Variants in LTBP2 observed in about 807,000 individuals in gnomAD.
LTBP2 encodes latent-transforming growth factor beta-binding protein 2.
LTBP2 carries 103 observed loss-of-function variants against 210.6 expected under a neutral mutation model. The observed-to-expected ratio is 0.49, with a 90% CI of 0.42 to 0.58. The LOEUF (loss-of-function observed/expected upper bound fraction) is 0.58. LTBP2 is among the 20% of genes least tolerant of loss of function. The probability of loss-of-function intolerance (pLI) is 0.00; values close to 1 mark genes in which losing one functional copy is unlikely to be tolerated. For missense variants in LTBP2, 2,313 were observed against 2,494.5 expected, an observed-to-expected ratio of 0.93 and a Z score of 1.55; for synonymous variants, 1,007 against 1,015.0, an observed-to-expected ratio of 0.99 and a Z score of 0.15.
Position 74,508,849 on chromosome 14 carries a change from G to A in LTBP2, c.3507C>T (p.Ala1169=). 6.2e-7 allele frequency: 1 copy of A among 1,613,672 alleles called. No homozygotes were observed. Among genetic ancestry groups the A allele is most frequent in the South Asian group, 1.1e-5 (1 of 91,080 alleles). Residue 1169 remains alanine, a synonymous_variant, in exon 23 of 36, where the codon GCC becomes GCT. Coordinates refer to ENST00000261978, the MANE Select transcript of LTBP2 (RefSeq NM_000428.3). ...QCLCPQGFQL[A]NGTVCEDVNE... is the part of the protein sequence containing the mutation. ...ACTCACCCTCACACACGGTGCCATTGGCCAGCTGGAAGCCCTGGGGACAGA... is the reference window on the plus strand; with the variant it reads ...ACTCACCCTCACACACGGTGCCATTAGCCAGCTGGAAGCCCTGGGGACAGA...
intron 27 of LTBP2, 69 bp downstream of exon 27, chr14:74,506,629 G>A: frequency 6.2e-7 from 1 of 1,601,620 alleles, no homozygotes; most frequent in Non-Finnish European, 8.5e-7. Flanking sequence ...ACCAGGACCA[G>A]TTGAGGAGGA....
chr14:74,585,745 G>A (rs2139787744), intron 3 of LTBP2, 109 bp downstream of exon 3: 3 of 1,534,918 alleles, frequency 2.0e-6, no homozygotes, highest in Middle Eastern at 3.5e-4. Flanking sequence ...AGAGAAGGGA[G>A]GACTCTGCGG....
chr14:74,606,869 A>C (rs929868847), intron 1 of LTBP2, among the ~76,000 whole-genome samples: 3 of 151,654 alleles, frequency 2.0e-5, no homozygotes, highest in Non-Finnish European at 2.9e-5. Context: ...AAAAAAAAAA[A>C]CCCACCTCCT....
At chr14:74,506,237 G>T (rs764260203) in intron 27 of LTBP2, 46 bp from the exon 28 acceptor site, 4 of 1,613,462 alleles carry the variant, frequency 2.5e-6, no homozygotes, top group Non-Finnish European at 3.4e-6. Flanking sequence ...GAGGCAGCCC[G>T]TGCCCCCTGC....
chr14:74,590,059 G>A (rs961114143), intron 2 of LTBP2, among the ~76,000 whole-genome samples: 6 of 152,122 alleles, frequency 3.9e-5, no homozygotes, highest in Non-Finnish European at 8.8e-5. Context: ...AACATCACTC[G>A]TCATCAGGGA....
At chr14:74,556,988 G>A (rs1027094715) in intron 3 of LTBP2, among the ~76,000 whole-genome samples, 1 of 151,140 alleles carries the variant, frequency 6.6e-6, no homozygotes, top group Non-Finnish European at 1.5e-5. Context: ...GAGGCTGGGC[G>A]TGGTGGCTCA....
intron 3 of LTBP2, among the ~76,000 whole-genome samples, chr14:74,560,432 A>G (rs987803549): frequency 6.6e-6 from 1 of 152,230 alleles, no homozygotes; most frequent in Non-Finnish European, 1.5e-5. Flanking sequence ...TTCTCATCCC[A>G]GTGGCCGGGG....
chr14:74,589,824 G>A (rs1283508850), intron 2 of LTBP2, among the ~76,000 whole-genome samples: 1 of 152,138 alleles, frequency 6.6e-6, no homozygotes, highest in Non-Finnish European at 1.5e-5. Flanking sequence ...AGGCCTGAGT[G>A]ATCTCCCACA....
chr14:74,532,361 T>C, intron 10 of LTBP2, 65 bp downstream of exon 10: 2 of 1,604,864 alleles, frequency 1.2e-6, no homozygotes, highest in Non-Finnish European at 1.7e-6. Flanking sequence ...GCCTGGCCTG[T>C]GGACCTGAAG....
At chr14:74,527,939 G>A (rs1415657870) in intron 12 of LTBP2, among the ~76,000 whole-genome samples, 1 of 152,228 alleles carries the variant, frequency 6.6e-6, no homozygotes, top group African/African-American at 2.4e-5. Context: ...TGACGTTCCA[G>A]GCCTCCTGCA....
rs551474301 is a variant in LTBP2, at chr14:74,551,158, G to A, written c.1592C>T (p.Ala531Val). The stretch of plus-strand genomic sequence containing the variant: ...TGGCCGAGGGGGCTCTCCAGACCGA[G>A]CAGGGATGTTGTTGCTGTCCCAGAG... ...HSLWDSNNIPARSGEPPRPLP... is the reference protein window; with the variant it reads ...HSLWDSNNIPVRSGEPPRPLP... Residue 531 changes from alanine (A) to valine (V), a missense_variant, in exon 7 of 36, where the codon GCT becomes GTT. Ala to Val is a moderately conservative substitution (Grantham distance 64). Around this residue, in one of 3 missense-constraint regions of LTBP2, gnomAD observed 1,867 missense variants for 1,976.9 expected, o/e 0.94. Transcript: ENST00000261978. 14 of 1,613,962 alleles carry A rather than the reference G, an allele frequency of 8.7e-6. No individual in the cohort carries two copies. The highest frequency in any genetic ancestry group is 2.2e-5 in the South Asian group (2 of 91,080).
In LTBP2 at chr14:74,499,412, G is replaced by A. The variant is rs908919518; in HGVS notation, c.*1472C>T. 6 of 224,316 alleles carry A rather than the reference G, an allele frequency of 2.7e-5. No individual in the cohort carries two copies. Among genetic ancestry groups the A allele is most frequent in the Non-Finnish European group, 2.7e-5 (3 of 112,510 alleles). The allele number at this position is 224,316 out of a possible 1,614,324, so 13.9% of individuals were successfully genotyped here. A position where few individuals can be genotyped will look rare whatever the true frequency, so the allele number is the denominator to read the frequency against. On this transcript the variant is annotated 3_prime_UTR_variant, in exon 36 of 36. Transcript: ENST00000261978. ...GATAATTAAATGAAATGTATGTATG[G>A]CACTCAGCACAGTGCCTGGCACATG... is the stretch of plus-strand genomic sequence containing the variant.
intron 2 of LTBP2, among the ~76,000 whole-genome samples, chr14:74,592,261 C>T (rs2088292773): frequency 1.3e-5 from 2 of 152,220 alleles, no homozygotes; most frequent in African/African-American, 4.8e-5. Context: ...CCAGGAGAGG[C>T]AGTTCCATGC....
At chr14:74,599,396 T>A (rs1329399084) in intron 2 of LTBP2, among the ~76,000 whole-genome samples, 1 of 144,116 alleles carries the variant, frequency 6.9e-6, no homozygotes, top group East Asian at 2.4e-4. Context: ...TAGGGAGTAT[T>A]CAAATCCCCT....
intron 8 of LTBP2, among the ~76,000 whole-genome samples, chr14:74,546,636 A>G (rs1992303): frequency 0.81 from 123,995 of 152,184 alleles, 53,382 homozygotes; most frequent in Non-Finnish European, 0.97. Flanking sequence ...GGGATGGGGC[A>G]GAGCGAGGGC....
At chr14:74,511,579 G>A (rs987965894) in intron 18 of LTBP2, among the ~76,000 whole-genome samples, 2 of 152,176 alleles carry the variant, frequency 1.3e-5, no homozygotes, top group African/African-American at 4.8e-5. Context: ...AAATTAGAAA[G>A]GGAGACTCCC....
chr14:74,541,741 G>A (rs1349453158), intron 8 of LTBP2, among the ~76,000 whole-genome samples: 1 of 151,876 alleles, frequency 6.6e-6, no homozygotes, highest in African/African-American at 2.4e-5. Flanking sequence ...GTTTTTAAAT[G>A]AGGGGTCAGG....
chr14:74,547,521 C>T (rs1393775849), intron 8 of LTBP2, among the ~76,000 whole-genome samples: 1 of 152,150 alleles, frequency 6.6e-6, no homozygotes, highest in African/African-American at 2.4e-5. Context: ...ACGCTGTTGG[C>T]AGCTGAGCCC....
chr14:74,561,570 T>C (rs1256821001), intron 3 of LTBP2, among the ~76,000 whole-genome samples: 1 of 152,160 alleles, frequency 6.6e-6, no homozygotes, highest in Non-Finnish European at 1.5e-5. Flanking sequence ...AGAATGAGAG[T>C]GTCTGTGTGT....
Sources: allele counts gnomAD v4.1 joint callset (sites outside exome capture counted in the v4.1 genomes callset), GRCh38; gene constraint gnomAD v4.1.1; regional missense constraint gnomAD v4.1.1; transcripts MANE v1.5; gene names NCBI Gene and HGNC (gene_info 2026-07-23, HGNC 2026-07-21).